TENM2: variants seen among roughly 807,000 people sequenced by gnomAD.
TENM2 encodes the protein teneurin-2.
A neutral mutation model predicts 245.2 loss-of-function variants in TENM2; 52 were observed. The ratio of observed to expected loss-of-function variants is 0.21; its 90% CI spans 0.17 to 0.27. The LOEUF is 0.27. Ranked by LOEUF, TENM2 falls within the 10% of genes least tolerant of loss-of-function variation. The pLI is 1.00. For missense variants in TENM2, 3,046 were observed against 3,666.8 expected (o/e 0.83, Z 4.37); for synonymous variants, 1,363 against 1,438.9 (o/e 0.95, Z 1.19).
the TENM2 span, among the ~76,000 whole-genome samples, chr5:167,167,016 TC>T: frequency 3.9e-5 from 6 of 152,234 alleles, no homozygotes; most frequent in South Asian, 4.1e-4. Flanking sequence ...ACCTTCCTTC[TC>T]GATTCTTCAC....
At chr5:167,297,822 T>A (rs1245791025) in intron 1 of TENM2, among the ~76,000 whole-genome samples, 1 of 151,790 alleles carries the variant, frequency 6.6e-6, no homozygotes, top group Non-Finnish European at 1.5e-5. Context: ...TCTGGTGGGC[T>A]GGAGTGGGGG....
chr5:167,632,484 C>G (rs761396360), intron 2 of TENM2, among the ~76,000 whole-genome samples: 1 of 152,230 alleles, frequency 6.6e-6, no homozygotes, highest in African/African-American at 2.4e-5. Context: ...ATACATATTT[C>G]TAAGGCAGCC....
At chr5:167,627,923 A>T (rs17068862) in intron 2 of TENM2, among the ~76,000 whole-genome samples, 1 of 152,206 alleles carries the variant, frequency 6.6e-6, no homozygotes, top group Admixed American at 6.5e-5. Flanking sequence ...TATTTTGAAT[A>T]AACTGCTAAA....
intron 12 of TENM2, among the ~76,000 whole-genome samples, chr5:168,150,139 T>C (rs1006075524): frequency 2.0e-5 from 3 of 152,200 alleles, no homozygotes; most frequent in Non-Finnish European, 4.4e-5. Context: ...CACTGTAGAA[T>C]GTGAGATCTT....
intron 2 of TENM2, among the ~76,000 whole-genome samples, chr5:167,654,857 T>A (rs546966965): frequency 6.6e-6 from 1 of 152,242 alleles, no homozygotes; most frequent in East Asian, 1.9e-4. Context: ...TAGGTCAATC[T>A]AGTGAGCTAT....
intron 2 of TENM2, among the ~76,000 whole-genome samples, chr5:167,841,743 C>A (rs987276622): frequency 1.3e-5 from 2 of 152,092 alleles, no homozygotes; most frequent in Non-Finnish European, 2.9e-5. Flanking sequence ...CTTCATAGAC[C>A]TTTTTTTCTA....
chr5:167,927,764 A>G (rs1039766352), intron 3 of TENM2, among the ~76,000 whole-genome samples: 24 of 152,094 alleles, frequency 1.6e-4, no homozygotes, highest in Non-Finnish European at 3.1e-4. Context: ...TGGTGTCAGG[A>G]AAAAAACAGA....
chr5:167,537,921 G>C (rs1771952941), intron 2 of TENM2, among the ~76,000 whole-genome samples: 1 of 152,306 alleles, frequency 6.6e-6, no homozygotes, highest in African/African-American at 2.4e-5. Flanking sequence ...TGGTTACAAA[G>C]CCATGATATT....
At chr5:167,237,038 AT>A in the TENM2 span, among the ~76,000 whole-genome samples, 2 of 152,192 alleles carry the variant, frequency 1.3e-5, no homozygotes, top group Non-Finnish European at 2.9e-5. Context: ...TTGGCAGAAT[AT>A]CAGAAGTTTC....
intron 2 of TENM2, among the ~76,000 whole-genome samples, chr5:167,799,201 C>G (rs10462970): frequency 0.24 from 35,822 of 152,098 alleles, 4,833 homozygotes; most frequent in East Asian, 0.4. Flanking sequence ...GGGTAAATGG[C>G]AGAGCCTTCC....
intron 1 of TENM2, among the ~76,000 whole-genome samples, chr5:167,351,330 G>T (rs1758900729): frequency 6.6e-6 from 1 of 151,968 alleles, no homozygotes; most frequent in African/African-American, 2.4e-5. Flanking sequence ...CTTTCTTCTG[G>T]TGACACCACC....
intron 1 of TENM2, among the ~76,000 whole-genome samples, chr5:167,293,002 T>C (rs1481422463): frequency 1.3e-5 from 2 of 152,050 alleles, no homozygotes; most frequent in Non-Finnish European, 2.9e-5. Flanking sequence ...GAAGTGTAGG[T>C]TGGATGAGCT....
intron 1 of TENM2, among the ~76,000 whole-genome samples, chr5:167,349,757 TG>T (rs1758705743): frequency 6.6e-6 from 1 of 152,146 alleles, no homozygotes; most frequent in Non-Finnish European, 1.5e-5. Context: ...TGCCTAACAG[TG>T]TTCTGATACT....
chr5:167,671,026 A>G (rs1755908911), intron 2 of TENM2, among the ~76,000 whole-genome samples: 2 of 152,264 alleles, frequency 1.3e-5, no homozygotes, highest in East Asian at 1.9e-4. Flanking sequence ...CCACCCAAAT[A>G]TGACAATAAA....
intron 2 of TENM2, among the ~76,000 whole-genome samples, chr5:167,492,950 T>G (rs964641954): frequency 2.0e-5 from 3 of 152,138 alleles, no homozygotes; most frequent in African/African-American, 7.2e-5. Flanking sequence ...AAGCAGAAGC[T>G]TGGCAAAATG....
At chr5:167,700,215 A>G (rs1360049320) in intron 2 of TENM2, among the ~76,000 whole-genome samples, 2 of 152,216 alleles carry the variant, frequency 1.3e-5, no homozygotes, top group East Asian at 3.9e-4. Flanking sequence ...TGGAACATGA[A>G]ATAAAGTACT....
chr5:167,539,640 C>A (rs913921753), intron 2 of TENM2, among the ~76,000 whole-genome samples: 2 of 152,108 alleles, frequency 1.3e-5, no homozygotes, highest in African/African-American at 2.4e-5. Flanking sequence ...ACTGGTTGAT[C>A]AAGCATAAAA....
intron 2 of TENM2, among the ~76,000 whole-genome samples, chr5:167,545,667 A>G (rs899136836): frequency 1.3e-5 from 2 of 152,214 alleles, no homozygotes; most frequent in Non-Finnish European, 2.9e-5. Flanking sequence ...CACATAAGAT[A>G]CATGGTTTTA....
chr5:167,007,583 A>G, the TENM2 span, among the ~76,000 whole-genome samples: 2 of 152,108 alleles, frequency 1.3e-5, no homozygotes, highest in African/African-American at 4.8e-5. The surrounding 1 kb of genome is among the most constrained non-coding windows in gnomAD (Gnocchi z 4.2). Flanking sequence ...AAATCATTCC[A>G]CACTTTATTG....
Sources: allele counts gnomAD v4.1 joint callset (sites outside exome capture counted in the v4.1 genomes callset), GRCh38; gene constraint gnomAD v4.1.1; non-coding constraint Gnocchi (gnomAD v3.1); transcripts MANE v1.5; gene names NCBI Gene and HGNC (gene_info 2026-07-23, HGNC 2026-07-21).